Variants in SMYD3 observed in about 807,000 individuals in gnomAD.
The protein encoded by SMYD3 is histone-lysine N-methyltransferase SMYD3.
Under a neutral mutation model 57.7 loss-of-function variants are expected in SMYD3, and 36 were observed. That is an observed-to-expected ratio of 0.62 (90% CI 0.48 to 0.82). The LOEUF (loss-of-function observed/expected upper bound fraction) is 0.82, where lower values mean the gene tolerates loss of function less well. SMYD3 is among the 40% of genes least tolerant of loss of function. The pLI is 0.00. For missense variants in SMYD3, 515 were observed against 538.8 expected, an observed-to-expected ratio of 0.96 and a Z score of 0.44; for synonymous variants, 211 against 195.0, an observed-to-expected ratio of 1.08 and a Z score of -0.68.
chr1:245,831,248 G>A (rs540807109), intron 10 of SMYD3, among the ~76,000 whole-genome samples: 67 of 152,226 alleles, frequency 4.4e-4, no homozygotes, highest in Non-Finnish European at 7.9e-4. Context: ...GGCCTCAAAC[G>A]ATGAGCTGGC....
At chr1:245,816,706 C>T (rs990064282) in intron 10 of SMYD3, among the ~76,000 whole-genome samples, 10 of 152,122 alleles carry the variant, frequency 6.6e-5, no homozygotes, top group East Asian at 3.9e-4. Context: ...GTGCGCGAGC[C>T]GAAGCAGGGT....
Position 246,470,428 on chromosome 1 carries a change from G to A in SMYD3, c.164+36626C>T, listed in dbSNP as rs148970029. Among the ~76,000 whole-genome samples the A allele has an allele frequency of 4.0e-3, 609 of 151,494 alleles. 2 individuals carry two copies. Among genetic ancestry groups the A allele is most frequent in the African/African-American group, 0.014 (575 of 41,268 alleles). On this transcript the variant is annotated intron_variant, in intron 1 of 11. Transcript: ENST00000490107. The stretch of plus-strand genomic sequence containing the variant: ...GGAGAATCGCTTGAACGTGGAAGGC[G>A]GAGGTTGCAGTGCCCAAGATCACAC...
rs536975531 is a variant in SMYD3 at position 246,430,672 on chromosome 1, T to C, written c.165-75578A>G. ...TGCCCAGAAGCCACCCAGATATAAG[T>C]ATGGAATCCACAGAAAGATCTAAGC... On this transcript the variant is annotated intron_variant, in intron 1 of 11. Transcript: ENST00000490107. Among the ~76,000 whole-genome samples the C allele has an allele frequency of 2.0e-5, 3 of 152,132 alleles. No individual in the cohort carries two copies. The East Asian group carries it at 5.8e-4, about 29-fold the overall frequency.
In SMYD3 at chr1:246,500,022, T is replaced by C. The variant is rs540934788; in HGVS notation, c.164+7032A>G. On this transcript the variant is annotated intron_variant, in intron 1 of 11. Coordinates refer to ENST00000490107, the MANE Select transcript of SMYD3 (RefSeq NM_001167740.2). ...GGCTGGGGCTGGGGACTGTATCGCT[T>C]CTGTTGCCTGATAATGCTGGATTCT... 1.2e-3 allele frequency among the ~76,000 whole-genome samples: 174 copies of C among 144,580 alleles called. 1 individual carries two copies. Among genetic ancestry groups the C allele is most frequent in the African/African-American group, 4.3e-3 (168 of 39,302 alleles). 94.9% of individuals were successfully genotyped at this position (144,580 alleles called of 152,430 possible). A position where few individuals can be genotyped will look rare whatever the true frequency, so the allele number is the denominator to read the frequency against.
At position 246,401,057 on chromosome 1, in the gene SMYD3, A is replaced by G. The variant is rs556437804; in HGVS notation, c.165-45963T>C. On this transcript the variant is annotated intron_variant, in intron 1 of 11. Transcript: ENST00000490107. Reference sequence around the variant, plus strand: ...TAAAAAGTATTCGAGGCAGCTGAACATCATCACAGTATCTTAAGACTCATA... The same window carrying G: ...TAAAAAGTATTCGAGGCAGCTGAACGTCATCACAGTATCTTAAGACTCATA... Among the ~76,000 whole-genome samples the G allele has an allele frequency of 9.2e-5, 14 of 152,374 alleles. No homozygotes were observed. The East Asian group carries it at 2.5e-3, about 27-fold the overall frequency.
At chr1:245,799,190 GC>G (rs2047735222) in intron 10 of SMYD3, among the ~76,000 whole-genome samples, 1 of 152,188 alleles carries the variant, frequency 6.6e-6, no homozygotes, top group Non-Finnish European at 1.5e-5. Context: ...TGGGCATCCA[GC>G]CTTCCCTGGT....
chr1:245,810,850 G>A (rs1379142075), intron 10 of SMYD3, among the ~76,000 whole-genome samples: 3 of 152,222 alleles, frequency 2.0e-5, no homozygotes, highest in Admixed American at 6.5e-5. Context: ...CCAAAGCCAC[G>A]TGGCCGAGCA....
chr1:245,817,260 C>T (rs1327471669), intron 10 of SMYD3, among the ~76,000 whole-genome samples: 1 of 144,528 alleles, frequency 6.9e-6, no homozygotes, highest in African/African-American at 2.6e-5. Flanking sequence ...AGCAGCCTAA[C>T]TGGGAGGCAC....
intron 5 of SMYD3, among the ~76,000 whole-genome samples, chr1:245,954,458 G>C (rs554260913): frequency 3.3e-5 from 5 of 152,292 alleles, no homozygotes; most frequent in African/African-American, 4.8e-5. Context: ...CAGATTACTT[G>C]AGCCTAGATG....
intron 5 of SMYD3, among the ~76,000 whole-genome samples, chr1:246,121,432 C>CTAAA (rs2061423966): frequency 2.0e-5 from 2 of 100,312 alleles, no homozygotes; most frequent in South Asian, 3.8e-4. Flanking sequence ...TTCCATTTTG[C>CTAAA]AAAAAAAAAA....
intron 1 of SMYD3, among the ~76,000 whole-genome samples, chr1:246,481,767 T>C (rs2068111859): frequency 7.1e-6 from 1 of 141,592 alleles, no homozygotes; most frequent in South Asian, 2.1e-4. Flanking sequence ...TGTGTATCCA[T>C]AGAAGATATA....
intron 5 of SMYD3, among the ~76,000 whole-genome samples, chr1:245,938,579 A>C (rs2057080717): frequency 6.6e-6 from 1 of 152,206 alleles, no homozygotes; most frequent in African/African-American, 2.4e-5. Context: ...GAAATTTATC[A>C]TGGCTTCATT....
chr1:246,168,367 G>GT (rs1481960564), intron 5 of SMYD3, among the ~76,000 whole-genome samples: 2 of 152,156 alleles, frequency 1.3e-5, no homozygotes, highest in African/African-American at 2.4e-5. Flanking sequence ...GAAGTCACAG[G>GT]TTTTTTGCCT....
chr1:246,445,060 T>G (rs552975859), intron 1 of SMYD3, among the ~76,000 whole-genome samples: 1 of 152,322 alleles, frequency 6.6e-6, no homozygotes, highest in Non-Finnish European at 1.5e-5. Flanking sequence ...ATGATGGCAG[T>G]GATGATGTTT....
chr1:246,046,402 A>T (rs1445908963), intron 5 of SMYD3, among the ~76,000 whole-genome samples: 1 of 151,914 alleles, frequency 6.6e-6, no homozygotes, highest in African/African-American at 2.4e-5. Context: ...GCATGTTCTC[A>T]CTCATAGGTG....
chr1:246,397,938 A>G (rs1221919411), intron 1 of SMYD3, among the ~76,000 whole-genome samples: 1 of 149,752 alleles, frequency 6.7e-6, no homozygotes, highest in Non-Finnish European at 1.5e-5. Flanking sequence ...AAGAAAAGAA[A>G]AGAGGAGAGG....
intron 10 of SMYD3, among the ~76,000 whole-genome samples, chr1:245,854,117 T>C (rs2051113538): frequency 1.3e-5 from 2 of 152,196 alleles, no homozygotes; most frequent in Non-Finnish European, 2.9e-5. Context: ...TCTTACCCTA[T>C]AATGTGGGCT....
intron 1 of SMYD3, among the ~76,000 whole-genome samples, chr1:246,452,222 C>T (rs1034498882): frequency 2.0e-5 from 3 of 152,132 alleles, no homozygotes; most frequent in African/African-American, 7.2e-5. Context: ...ATCTCACTTG[C>T]GGGCCAGGGG....
chr1:246,150,576 T>G (rs1213252602), intron 5 of SMYD3, among the ~76,000 whole-genome samples: 1 of 152,226 alleles, frequency 6.6e-6, no homozygotes, highest in Non-Finnish European at 1.5e-5. Flanking sequence ...GTACTAATGT[T>G]TCTGTCTGCA....
Sources: allele counts gnomAD v4.1 joint callset (sites outside exome capture counted in the v4.1 genomes callset), GRCh38; gene constraint gnomAD v4.1.1; transcripts MANE v1.5; gene names NCBI Gene and HGNC (gene_info 2026-07-23, HGNC 2026-07-21).